NPAS3: variants seen among roughly 807,000 people sequenced by gnomAD.
NPAS3 encodes neuronal PAS domain protein 3.
In NPAS3, 14 loss-of-function variants were observed where a neutral mutation model predicts 73.1. The ratio of observed to expected loss-of-function variants is 0.19; its 90% CI spans 0.13 to 0.30. The LOEUF (loss-of-function observed/expected upper bound fraction) is 0.30. Among genes scored for constraint, NPAS3 ranks in the 10% least tolerant of loss-of-function variants. The pLI is 1.00. For synonymous variants in NPAS3, 620 were observed against 541.5 expected (o/e 1.14, Z -2.01); for missense variants, 1,096 against 1,250.0 (o/e 0.88, Z 1.86).
At chr14:33,798,853 T>C (rs1020001039) in intron 11 of NPAS3, among the ~76,000 whole-genome samples, 1 of 151,560 alleles carries the variant, frequency 6.6e-6, no homozygotes, top group Non-Finnish European at 1.5e-5. Flanking sequence ...AACTAAAATA[T>C]ACAGTGAGGT....
chr14:33,311,002 G>T (rs2042980678), intron 3 of NPAS3, among the ~76,000 whole-genome samples: 3 of 152,234 alleles, frequency 2.0e-5, no homozygotes, highest in Admixed American at 2.0e-4. Flanking sequence ...AGGCAGGTTA[G>T]GTTTGTGCCA....
intron 2 of NPAS3, among the ~76,000 whole-genome samples, chr14:33,104,829 A>C (rs2042675628): frequency 6.6e-6 from 1 of 152,198 alleles, no homozygotes; most frequent in African/African-American, 2.4e-5. Flanking sequence ...TATGTTCTGC[A>C]TTTAGTATGG....
At chr14:33,536,573 A>G (rs2054270456) in intron 4 of NPAS3, among the ~76,000 whole-genome samples, 1 of 152,172 alleles carries the variant, frequency 6.6e-6, no homozygotes, top group Non-Finnish European at 1.5e-5. Context: ...CATCAGCACT[A>G]ATGGGAGATT....
chr14:33,048,114 C>G (rs557512444), intron 1 of NPAS3, among the ~76,000 whole-genome samples: 71 of 152,274 alleles, frequency 4.7e-4, no homozygotes, highest in Middle Eastern at 3.4e-3. Flanking sequence ...AGGCTCTACT[C>G]ATTTATCAGT....
intron 3 of NPAS3, among the ~76,000 whole-genome samples, chr14:33,233,951 G>A (rs1289699897): frequency 6.6e-6 from 1 of 152,180 alleles, no homozygotes; most frequent in East Asian, 1.9e-4. Flanking sequence ...TTTGAAATGT[G>A]CATTCTTAAT....
intron 4 of NPAS3, among the ~76,000 whole-genome samples, chr14:33,397,965 G>A (rs2047293583): frequency 6.6e-6 from 1 of 152,048 alleles, no homozygotes; most frequent in Non-Finnish European, 1.5e-5. Context: ...TTTTTGTTTG[G>A]CTTCATTTTA....
chr14:33,504,373 T>C (rs1289027528), intron 4 of NPAS3, among the ~76,000 whole-genome samples: 3 of 151,966 alleles, frequency 2.0e-5, no homozygotes, highest in Non-Finnish European at 4.4e-5. Flanking sequence ...TGTAATGCGT[T>C]TACAAAACTA....
intron 9 of NPAS3, among the ~76,000 whole-genome samples, chr14:33,783,682 A>G (rs1415255700): frequency 6.6e-6 from 1 of 152,158 alleles, no homozygotes; most frequent in Non-Finnish European, 1.5e-5. Context: ...GTCAGAGACC[A>G]GCAAGAGGGT....
intron 1 of NPAS3, among the ~76,000 whole-genome samples, chr14:33,004,696 T>G (rs534882973): frequency 3.3e-5 from 5 of 152,166 alleles, no homozygotes; most frequent in African/African-American, 1.2e-4. Context: ...TTTTGATTTT[T>G]AAAAACTTTT....
At chr14:33,272,173 G>A (rs10137135) in intron 3 of NPAS3, among the ~76,000 whole-genome samples, 1,572 of 152,226 alleles carry the variant, frequency 0.01, 35 homozygotes, top group African/African-American at 0.036. Context: ...GGCAAATCAT[G>A]GCTTGAATTG....
At chr14:33,635,740 T>A (rs907095533) in intron 5 of NPAS3, among the ~76,000 whole-genome samples, 10 of 152,358 alleles carry the variant, frequency 6.6e-5, no homozygotes, top group African/African-American at 2.4e-4. Flanking sequence ...TCCCTGGACT[T>A]GTCGGGGTCT....
At chr14:33,543,993 ATATATAT>A in intron 4 of NPAS3, among the ~76,000 whole-genome samples, 1 of 59,340 alleles carries the variant, frequency 1.7e-5, no homozygotes, top group African/African-American at 9.7e-5. Flanking sequence ...ATATATATAT[ATATATAT>A]ATCTATATCA....
chr14:33,703,317 T>C (rs976076698), intron 6 of NPAS3, among the ~76,000 whole-genome samples: 1 of 152,004 alleles, frequency 6.6e-6, no homozygotes, highest in Non-Finnish European at 1.5e-5. Flanking sequence ...AGACCCCCCA[T>C]TTCTACAAAA....
chr14:33,193,347 A>AT (rs2046237605), intron 2 of NPAS3, among the ~76,000 whole-genome samples: 1 of 152,188 alleles, frequency 6.6e-6, no homozygotes, highest in Non-Finnish European at 1.5e-5. Flanking sequence ...AATCCCAGCC[A>AT]TAGGGGAGTC....
intron 3 of NPAS3, among the ~76,000 whole-genome samples, chr14:33,264,424 T>TA (rs897591149): frequency 2.0e-5 from 3 of 151,408 alleles, no homozygotes; most frequent in Non-Finnish European, 4.4e-5. Context: ...AGTATAATAA[T>TA]AAAAAAAAGA....
intron 3 of NPAS3, among the ~76,000 whole-genome samples, chr14:33,362,065 T>C (rs1341962305): frequency 1.3e-5 from 2 of 152,178 alleles, no homozygotes; most frequent in African/African-American, 2.4e-5. Context: ...GTCATGTATG[T>C]ATATATACAT....
chr14:33,444,851 G>C (rs1033586795), intron 4 of NPAS3, among the ~76,000 whole-genome samples: 2 of 152,224 alleles, frequency 1.3e-5, no homozygotes, highest in African/African-American at 2.4e-5. Flanking sequence ...CTCTGCTTTT[G>C]CCCGAATGTT....
chr14:33,602,460 AAC>A (rs1166368881), intron 5 of NPAS3, among the ~76,000 whole-genome samples: 1 of 152,150 alleles, frequency 6.6e-6, no homozygotes, highest in African/African-American at 2.4e-5. Flanking sequence ...TGCCAAGGAA[AAC>A]ACAGCACATT....
upstream of NPAS3, chr14:32,939,298 GA>G (rs534822496): frequency 1.6e-4 from 117 of 730,456 alleles, no homozygotes; most frequent in East Asian, 4.3e-4. Flanking sequence ...AGTAAGAGAG[GA>G]AAAAAAATAG....
Sources: gnomAD v4.1 joint callset for allele counts (sites outside exome capture counted in the v4.1 genomes callset) on GRCh38, gnomAD v4.1.1 for gene constraint, MANE v1.5 for transcripts, NCBI Gene and HGNC (gene_info 2026-07-23, HGNC 2026-07-21) for gene names.